Variants in ALK observed in about 807,000 individuals in gnomAD.
ALK encodes ALK tyrosine kinase receptor.
A neutral mutation model predicts 163.1 loss-of-function variants in ALK; 74 were observed. The ratio of observed to expected loss-of-function variants is 0.45; its 90% CI spans 0.38 to 0.55. The LOEUF (loss-of-function observed/expected upper bound fraction) is 0.55. Ranked by LOEUF, ALK falls within the 20% of genes least tolerant of loss-of-function variation. ALK has a pLI of 0.00. For synonymous variants in ALK, 960 were observed against 843.2 expected, an observed-to-expected ratio of 1.14 and a Z score of -2.40; for missense variants, 2,063 against 2,105.3, an observed-to-expected ratio of 0.98 and a Z score of 0.39.
chr2:29,760,707 A>G (rs1300162167), intron 1 of ALK, among the ~76,000 whole-genome samples: 1 of 152,120 alleles, frequency 6.6e-6, no homozygotes, highest in Non-Finnish European at 1.5e-5. Flanking sequence ...GCTTACAGAC[A>G]TTATTGTTGG....
chr2:29,807,076 A>T (rs1255647572), intron 1 of ALK, among the ~76,000 whole-genome samples: 4 of 152,242 alleles, frequency 2.6e-5, no homozygotes, highest in African/African-American at 9.6e-5. Context: ...ATCTGTGCAG[A>T]TTGAAGATGA....
intron 15 of ALK, among the ~76,000 whole-genome samples, chr2:29,232,101 G>T (rs966014264): frequency 1.3e-5 from 2 of 152,162 alleles, no homozygotes; most frequent in Non-Finnish European, 2.9e-5. Context: ...CCTTCTACAA[G>T]TCCAAGCTCC....
At chr2:29,739,176 C>T (rs192055260) in intron 1 of ALK, among the ~76,000 whole-genome samples, 71 of 135,366 alleles carry the variant, frequency 5.2e-4, no homozygotes, top group African/African-American at 2.0e-3. Flanking sequence ...GAGTTTGAGG[C>T]TGCAGTGAGA....
At chr2:29,217,872 C>T (rs1364019381) in intron 23 of ALK, among the ~76,000 whole-genome samples, 5 of 107,642 alleles carry the variant, frequency 4.6e-5, no homozygotes, top group Non-Finnish European at 9.5e-5. Flanking sequence ...CCTACTTTCT[C>T]TTCATGGCAC....
At chr2:29,594,019 TG>T (rs1231865481) in intron 3 of ALK, among the ~76,000 whole-genome samples, 2 of 152,192 alleles carry the variant, frequency 1.3e-5, no homozygotes, top group African/African-American at 4.8e-5. Context: ...GAGGTTTTCT[TG>T]GTTTTTACAA....
chr2:29,391,784 G>A (rs1270270985), intron 4 of ALK, among the ~76,000 whole-genome samples: 1 of 152,014 alleles, frequency 6.6e-6, no homozygotes, highest in Non-Finnish European at 1.5e-5. Context: ...GTGACCTCAG[G>A]CCCCTGGACC....
chr2:29,416,097 G>T (rs778326792), intron 4 of ALK, among the ~76,000 whole-genome samples: 1 of 152,156 alleles, frequency 6.6e-6, no homozygotes, highest in Non-Finnish European at 1.5e-5. Flanking sequence ...CTATAATCAC[G>T]TGAGCCAATT....
At chr2:29,291,531 T>A (rs1666022527) in intron 9 of ALK, among the ~76,000 whole-genome samples, 1 of 152,214 alleles carries the variant, frequency 6.6e-6, no homozygotes, top group African/African-American at 2.4e-5. Flanking sequence ...AGATTTCTCA[T>A]ATTAAAAAGG....
chr2:29,215,850 C>T (rs1277960786), intron 23 of ALK, among the ~76,000 whole-genome samples: 1 of 152,242 alleles, frequency 6.6e-6, no homozygotes, highest in African/African-American at 2.4e-5. Context: ...GGGCTGGCTG[C>T]TCAGCCTCTC....
At chr2:29,743,556 C>T (rs1680120454) in intron 1 of ALK, among the ~76,000 whole-genome samples, 1 of 152,226 alleles carries the variant, frequency 6.6e-6, no homozygotes, top group Non-Finnish European at 1.5e-5. Flanking sequence ...TAGTGAGCCC[C>T]TGAGGACGGA....
intron 13 of ALK, 45 bp from the exon 14 acceptor site, chr2:29,233,741 T>C (rs199582793): frequency 6.2e-7 from 1 of 1,613,604 alleles, no homozygotes; most frequent in Non-Finnish European, 8.5e-7. Flanking sequence ...AAACCAGAGT[T>C]CTCCACTTTG....
intron 5 of ALK, 91 bp from the exon 6 acceptor site, chr2:29,328,572 G>A: frequency 6.5e-7 from 1 of 1,544,470 alleles, no homozygotes; most frequent in Non-Finnish European, 8.9e-7. Flanking sequence ...GCAGGCTGCA[G>A]GGACAGCATT....
chr2:29,444,240 G>T lies in ALK; in HGVS notation c.1155-60381C>A, dbSNP rs898986178. Among the ~76,000 whole-genome samples the T allele has an allele frequency of 2.6e-5, 4 of 152,280 alleles. No homozygotes were observed. In the South Asian group the frequency reaches 8.3e-4, roughly 32 times the overall value. Reference sequence around the variant, plus strand: ...TTTTATTGCTTGGCTTGAGGTGGTTGAGGGTTATGGGCAGGAACATGAAGG... The same window carrying T: ...TTTTATTGCTTGGCTTGAGGTGGTTTAGGGTTATGGGCAGGAACATGAAGG... On this transcript the variant is annotated intron_variant, in intron 4 of 28. Transcript: ENST00000389048.
At chr2:29,635,250 C>T (rs1677450801) in intron 3 of ALK, among the ~76,000 whole-genome samples, 1 of 152,130 alleles carries the variant, frequency 6.6e-6, no homozygotes, top group Admixed American at 6.6e-5. Context: ...AATAACCACC[C>T]AAAGATAACA....
chr2:29,316,891 C>T (rs563251106), intron 8 of ALK, among the ~76,000 whole-genome samples: 18 of 152,090 alleles, frequency 1.2e-4, no homozygotes, highest in African/African-American at 2.9e-4. Flanking sequence ...AAGGAAGTGG[C>T]GAATGTCGAG....
intron 3 of ALK, among the ~76,000 whole-genome samples, chr2:29,665,250 G>A (rs796166049): frequency 5.9e-5 from 9 of 151,918 alleles, no homozygotes; most frequent in African/African-American, 2.2e-4. Context: ...GCCTCCCAAA[G>A]TGTTGGGAAT....
intron 25 of ALK, among the ~76,000 whole-genome samples, chr2:29,208,965 A>G (rs949790210): frequency 7.2e-5 from 11 of 152,316 alleles, no homozygotes; most frequent in Admixed American, 4.6e-4. Flanking sequence ...CAGGGAAAAA[A>G]AAAATAAGGC....
intron 3 of ALK, among the ~76,000 whole-genome samples, chr2:29,575,973 T>TGTTTATTTGAGA (rs1240622032): frequency 6.6e-6 from 1 of 152,142 alleles, no homozygotes; most frequent in Admixed American, 6.5e-5. Context: ...GAGCATACTG[T>TGTTTATTTGAGA]GCACCTCCTG....
At chr2:29,579,517 G>A (rs911785229) in intron 3 of ALK, among the ~76,000 whole-genome samples, 1 of 152,304 alleles carries the variant, frequency 6.6e-6, no homozygotes, top group African/African-American at 2.4e-5. Flanking sequence ...TATGTGCATT[G>A]TTATATGCAA....
Sources: gnomAD v4.1 joint callset for allele counts (sites outside exome capture counted in the v4.1 genomes callset) on GRCh38, gnomAD v4.1.1 for gene constraint, MANE v1.5 for transcripts, NCBI Gene and HGNC (gene_info 2026-07-23, HGNC 2026-07-21) for gene names.